The following TMPRSS9 variants were observed in gnomAD, a reference collection of about 807,000 sequenced individuals.
TMPRSS9 encodes transmembrane serine protease 9.
A neutral mutation model predicts 111.4 loss-of-function variants in TMPRSS9; 113 were observed. The observed-to-expected ratio is 1.01, with a 90% CI of 0.87 to 1.19. The LOEUF (loss-of-function observed/expected upper bound fraction) is 1.19. Ranked by LOEUF, TMPRSS9 falls within the 50% of genes most tolerant of loss-of-function variation. The pLI is 0.00. For missense variants in TMPRSS9, 1,803 were observed against 1,513.1 expected, an observed-to-expected ratio of 1.19 and a Z score of -3.18; for synonymous variants, 805 against 659.1, an observed-to-expected ratio of 1.22 and a Z score of -3.39.
chr19:2,411,121 G>A (rs1355026780), intron 9 of TMPRSS9, among the ~76,000 whole-genome samples: 2 of 151,696 alleles, frequency 1.3e-5, no homozygotes, highest in East Asian at 2.0e-4. Context: ...GCAACATGGC[G>A]AAACCTTGTC....
exon 16 of TMPRSS9, chr19:2,425,072 G>A (rs770603981): frequency 6.4e-7 from 1 of 1,573,002 alleles, no homozygotes; most frequent in Admixed American, 1.8e-5. Context: ...GGGGCAGCTG[G>A]AGCGCGTGGC....
At chr19:2,392,987 C>T (rs2082000) in intron 1 of TMPRSS9, among the ~76,000 whole-genome samples, 82,747 of 151,836 alleles carry the variant, frequency 0.54, 23,286 homozygotes, top group Middle Eastern at 0.68. Flanking sequence ...CAGCACCCTG[C>T]GTCTAGCTCA....
exon 9 of TMPRSS9, chr19:2,410,359 G>A (rs202191315): frequency 2.2e-5 from 36 of 1,613,880 alleles, no homozygotes; most frequent in East Asian, 6.7e-5. Flanking sequence ...GATGGTGTGC[G>A]CTGGCTACCT....
chr19:2,388,117 C>T (rs1422022161), upstream of TMPRSS9, among the ~76,000 whole-genome samples: 1 of 151,992 alleles, frequency 6.6e-6, no homozygotes, highest in Non-Finnish European at 1.5e-5. Context: ...TCAGGCTGGG[C>T]GCGGTGGCTC....
chr19:2,405,329 G>T (rs1402045855), intron 6 of TMPRSS9, 45 bp from the exon 8 acceptor site: 22 of 1,543,614 alleles, frequency 1.4e-5, no homozygotes, highest in Non-Finnish European at 1.9e-5. Flanking sequence ...TCAGGGTGAG[G>T]TCCTGCCTTC....
exon 12 of TMPRSS9, chr19:2,416,679 C>G: frequency 1.9e-6 from 3 of 1,613,138 alleles, no homozygotes; most frequent in Non-Finnish European, 2.5e-6. Flanking sequence ...ACCTGGCTGT[C>G]CTGGAGCTGG....
intron 5 of TMPRSS9, among the ~76,000 whole-genome samples, chr19:2,402,496 T>C (rs1230223598): frequency 2.0e-5 from 3 of 151,936 alleles, no homozygotes; most frequent in Non-Finnish European, 4.4e-5. Context: ...TCCCAGCACT[T>C]TGGGAGGCCG....
exon 4 of TMPRSS9, chr19:2,399,167 G>A (rs1970774819): frequency 6.2e-7 from 1 of 1,608,298 alleles, no homozygotes; most frequent in Non-Finnish European, 8.5e-7. Flanking sequence ...GCTGCCTATG[G>A]CACAATTGTG....
intron 7 of TMPRSS9, among the ~76,000 whole-genome samples, chr19:2,406,831 C>G (rs1416265211): frequency 6.7e-6 from 1 of 149,752 alleles, no homozygotes; most frequent in African/African-American, 2.5e-5. Flanking sequence ...GACAGAGTCT[C>G]ACTCTGTCGC....
chr19:2,393,922 G>A (rs1393955081), intron 1 of TMPRSS9, among the ~76,000 whole-genome samples: 2 of 101,324 alleles, frequency 2.0e-5, no homozygotes, highest in African/African-American at 8.7e-5. Flanking sequence ...AAAAAAAAAA[G>A]CTGGGCGCGG....
intron 1 of TMPRSS9, among the ~76,000 whole-genome samples, chr19:2,384,375 A>G (rs1970428119): frequency 1.3e-5 from 2 of 152,186 alleles, no homozygotes; most frequent in Non-Finnish European, 2.9e-5. Context: ...TCACGAGAGT[A>G]AAAGAATGTA....
intron 9 of TMPRSS9, 37 bp downstream of exon 10, chr19:2,410,431 G>A: frequency 1.9e-6 from 3 of 1,609,794 alleles, no homozygotes; most frequent in Non-Finnish European, 2.5e-6. Flanking sequence ...GAAAAACACA[G>A]AAATAGACAC....
rs142832377 is a variant in TMPRSS9, at chr19:2,366,957, G to T, written c.-26+6597G>T. Among the ~76,000 whole-genome samples, 672 of 151,922 alleles carry T rather than the reference G, an allele frequency of 4.4e-3. 5 individuals carry two copies. Among genetic ancestry groups the T allele is most frequent in the African/African-American group, 0.015 (636 of 41,440 alleles). Reference sequence around the variant, plus strand: ...TCAAAGCTGGTGTCCTCATGTGGCTGTTGGTGGGAGGCCTCAGTTCCTCAC... The same window carrying T: ...TCAAAGCTGGTGTCCTCATGTGGCTTTTGGTGGGAGGCCTCAGTTCCTCAC... On this transcript the variant is annotated intron_variant, in intron 1 of 17. Coordinates refer to the TMPRSS9 transcript ENST00000649857.
intron 13 of TMPRSS9, 97 bp from the exon 15 acceptor site, chr19:2,421,757 A>C: frequency 1.5e-6 from 2 of 1,367,600 alleles, no homozygotes; most frequent in Non-Finnish European, 2.0e-6. Flanking sequence ...CCCGCCCTCG[A>C]TGGCTCCCAC....
At position 2,396,572 on chromosome 19, in the gene TMPRSS9, A is replaced by C. The variant is rs1349779034; in HGVS notation, c.176A>C (p.His59Pro). ...TCTACACAGGGCTTCCACGTGGACC[A>C]CACGGCCGAGCTGCGGGGAATCCGG... is the stretch of plus-strand genomic sequence containing the variant. Residue 59 changes from histidine (H) to proline (P), a missense_variant, in exon 2 of 18, where the codon CAC becomes CCC. By Grantham distance (77) the His-to-Pro change is moderately conservative. Transcript: ENST00000648592. 1.9e-6 allele frequency: 3 copies of C among 1,610,794 alleles called. No homozygotes were observed. In the Admixed American group the frequency reaches 5.0e-5, roughly 27 times the overall value.
At chr19:2,403,592 C>T (rs566982954) in intron 6 of TMPRSS9, among the ~76,000 whole-genome samples, 3 of 151,858 alleles carry the variant, frequency 2.0e-5, no homozygotes, top group African/African-American at 4.8e-5. Context: ...TGCGGTGGCT[C>T]ACACCTGTCA....
upstream of TMPRSS9, among the ~76,000 whole-genome samples, chr19:2,385,709 C>T (rs188167901): frequency 4.0e-3 from 606 of 151,922 alleles, 2 homozygotes; most frequent in Middle Eastern, 0.031. Context: ...AAAAATTAAC[C>T]GGGTGTGGTG....
Position 2,425,323 on chromosome 19 carries a change from CCCCACCCGCCCCGTCTCGCTCGCCCG to C in TMPRSS9, c.2984-30_2984-5del. 1 of 1,313,136 alleles carries C rather than the reference CCCCACCCGCCCCGTCTCGCTCGCCCG, an allele frequency of 7.6e-7. No individual in the cohort carries two copies. The highest frequency in any genetic ancestry group is 9.7e-7 in the Non-Finnish European group (1 of 1,027,478). 81.3% of individuals were successfully genotyped at this position (1,313,136 alleles called of 1,614,324 possible). On this transcript the variant is annotated splice_polypyrimidine_tract_variant and splice_region_variant and intron_variant, in intron 16 of 17. Transcript: ENST00000648592. ...GGCTCGGGGGGCGGCCGGACGCGGT[CCCCACCCGCCCCGTCTCGCTCGCCCG>C]CCCGCAGGCTCCATGGCGCGGCAGC...
At chr19:2,398,714 T>A in intron 2 of TMPRSS9, 81 bp from the exon 4 acceptor site, 1 of 1,034,938 alleles carries the variant, frequency 9.7e-7, no homozygotes, top group South Asian at 1.4e-5. Context: ...TCCAGCTCCC[T>A]CCAACACCTG....
Sources: gnomAD v4.1 joint callset for allele counts (sites outside exome capture counted in the v4.1 genomes callset) on GRCh38, gnomAD v4.1.1 for gene constraint, MANE v1.5 for transcripts, NCBI Gene and HGNC (gene_info 2026-07-23, HGNC 2026-07-21) for gene names.